The following ELF2 variants were observed in gnomAD, a reference collection of about 807,000 sequenced individuals.
ELF2 encodes the protein ETS-related transcription factor Elf-2.
Under a neutral mutation model 54.8 loss-of-function variants are expected in ELF2, and 11 were observed. That is an observed-to-expected ratio of 0.20 (90% CI 0.13 to 0.33). The LOEUF (loss-of-function observed/expected upper bound fraction) is 0.33. Among genes scored for constraint, ELF2 ranks in the 10% least tolerant of loss-of-function variants. The probability of loss-of-function intolerance (pLI) is 1.00; values close to 1 mark genes in which losing one functional copy is unlikely to be tolerated. For missense variants in ELF2, 513 were observed against 703.0 expected, an observed-to-expected ratio of 0.73 and a Z score of 3.06; for synonymous variants, 203 against 245.1, an observed-to-expected ratio of 0.83 and a Z score of 1.61.
At chr4:139,128,516 T>A (rs1449969343) in intron 3 of ELF2, among the ~76,000 whole-genome samples, 1 of 151,948 alleles carries the variant, frequency 6.6e-6, no homozygotes, top group African/African-American at 2.4e-5. Flanking sequence ...TCTAAAAATA[T>A]TTTTTTGCTT....
At chr4:139,084,262 G>A (rs375845152) in intron 4 of ELF2, 3 of 1,606,078 alleles carry the variant, frequency 1.9e-6, no homozygotes, top group Admixed American at 1.7e-5. Context: ...GGGAGGAGGC[G>A]GAACCCGCGG....
In ELF2 at chr4:139,058,762, T is replaced by C; in HGVS notation, c.*221A>G. ...TTTTTCTTATTGATGGGTTCAGTTG[T>C]TTCCTACTGTAAGAGGCAGTTTTCT... On this transcript the variant is annotated 3_prime_UTR_variant, in exon 10 of 10. Transcript: ENST00000686138. 1 of 567,414 alleles carries C rather than the reference T, an allele frequency of 1.8e-6. No homozygotes were observed. Among genetic ancestry groups the C allele is most frequent in the Non-Finnish European group, 2.9e-6 (1 of 340,962 alleles). The allele number at this position is 567,414 out of a possible 1,614,324, so 35.1% of individuals were successfully genotyped here.
intron 4 of ELF2, among the ~76,000 whole-genome samples, chr4:139,075,013 T>G (rs1176509812): frequency 6.6e-6 from 1 of 152,070 alleles, no homozygotes; most frequent in Non-Finnish European, 1.5e-5. Flanking sequence ...ACTGCCAGAG[T>G]ACTTGAGAAC....
chr4:139,127,581 A>G (rs1014335605), intron 3 of ELF2, among the ~76,000 whole-genome samples: 1 of 152,128 alleles, frequency 6.6e-6, no homozygotes, highest in Non-Finnish European at 1.5e-5. Flanking sequence ...ATTATAATAC[A>G]TAAGTCAAAA....
intron 6 of ELF2, among the ~76,000 whole-genome samples, chr4:139,070,360 G>A (rs538243855): frequency 6.6e-6 from 1 of 150,790 alleles, no homozygotes; most frequent in Non-Finnish European, 1.5e-5. Context: ...GTGCAATCTC[G>A]GCTCACTACA....
At chr4:139,081,827 G>A (rs1437079965) in intron 4 of ELF2, among the ~76,000 whole-genome samples, 1 of 152,062 alleles carries the variant, frequency 6.6e-6, no homozygotes, top group African/African-American at 2.4e-5. Flanking sequence ...TCTAAAATAA[G>A]GCTTGTAAGG....
chr4:139,080,466 A>T (rs1222567782), intron 4 of ELF2, among the ~76,000 whole-genome samples: 1 of 152,178 alleles, frequency 6.6e-6, no homozygotes, highest in Non-Finnish European at 1.5e-5. Flanking sequence ...TCAATTTCAT[A>T]ATGAACTTTA....
intron 1 of ELF2, among the ~76,000 whole-genome samples, chr4:139,160,442 G>A (rs1247512962): frequency 1.3e-5 from 2 of 152,176 alleles, no homozygotes; most frequent in African/African-American, 2.4e-5. Context: ...ATGTAATCCT[G>A]TATGATGACA....
chr4:139,154,575 TAAAA>T (rs529132880), intron 1 of ELF2, among the ~76,000 whole-genome samples: 1 of 136,730 alleles, frequency 7.3e-6, no homozygotes. Context: ...CTACAACAAT[TAAAA>T]AAAAAAAAAA....
rs773425691 is a variant in ELF2, at chr4:139,060,442, T to G, written c.1039A>C (p.Asn347His). ...VRSGKNSSPI[N>H]CSRAEKGVAR... is the part of the protein sequence containing the mutation. ...ACACCCTTCTCTGCTCTGGAGCAGT[T>G]TATAGGGGATGAATTTTTTCCACTG... The change falls in exon 9 of 10, where the codon AAC becomes CAC. Residue 347 changes from asparagine to histidine, a missense_variant. Transcript: ENST00000686138. 6 of 1,614,034 alleles carry G rather than the reference T, an allele frequency of 3.7e-6. No homozygotes were observed. Among genetic ancestry groups the G allele is most frequent in the Non-Finnish European group, 5.1e-6 (6 of 1,180,022 alleles).
At chr4:139,129,869 T>A (rs950086487) in intron 3 of ELF2, among the ~76,000 whole-genome samples, 3 of 152,152 alleles carry the variant, frequency 2.0e-5, no homozygotes, top group Admixed American at 1.3e-4. Flanking sequence ...AAGGAAAGTT[T>A]AACAAATTAA....
chr4:139,087,258 G>A (rs1006509449), intron 4 of ELF2, among the ~76,000 whole-genome samples: 3 of 152,150 alleles, frequency 2.0e-5, no homozygotes, highest in South Asian at 2.1e-4. Context: ...GCTAAGTATT[G>A]CAGCTAGTCA....
rs1740967079 is a variant in ELF2, at chr4:139,160,050, CCTG to C, written c.-252+16914_-252+16916del. 6.6e-5 allele frequency among the ~76,000 whole-genome samples: 10 copies of C among 152,280 alleles called. No homozygotes were observed. The South Asian group carries it at 2.1e-3, about 32-fold the overall frequency. On this transcript the variant is annotated intron_variant, in intron 1 of 9. Transcript: ENST00000686138. ...AGATGTGGAAGATACTATAGCATAG[CCTG>C]CAGGCCAGGCGCAGTGGCTCACGCC...
rs913411999 is a variant in ELF2 at position 139,092,904 on chromosome 4, G to A, written c.239-19337C>T. Among the ~76,000 whole-genome samples the A allele has an allele frequency of 1.2e-4, 18 of 151,558 alleles. No individual in the cohort carries two copies. The South Asian group carries it at 3.8e-3, about 32-fold the overall frequency. On this transcript the variant is annotated intron_variant, in intron 4 of 9. Transcript: ENST00000686138. ...GAATGAAACATATAAACTACTAGAA[G>A]TATATAAAATTCCCAGTAGGCATAC...
intron 4 of ELF2, among the ~76,000 whole-genome samples, chr4:139,107,351 C>T (rs191911729): frequency 6.9e-4 from 105 of 152,316 alleles, no homozygotes; most frequent in Middle Eastern, 3.4e-3. Context: ...TTCACCACTA[C>T]TACCACCTCC....
chr4:139,073,306 A>G, intron 5 of ELF2, 148 bp downstream of exon 5: 1 of 443,370 alleles, frequency 2.3e-6, no homozygotes, highest in East Asian at 3.5e-5. Context: ...CTTGACAAAT[A>G]AAGTTCAATT....
chr4:139,128,380 T>G (rs750140040), intron 3 of ELF2, among the ~76,000 whole-genome samples: 2 of 152,208 alleles, frequency 1.3e-5, no homozygotes, highest in African/African-American at 2.4e-5. Context: ...AGAAGTTCTT[T>G]AACTGAACTT....
intron 4 of ELF2, among the ~76,000 whole-genome samples, chr4:139,114,597 A>ACACACAC (rs1370544863): frequency 9.6e-5 from 14 of 145,786 alleles, no homozygotes; most frequent in South Asian, 4.4e-4. Flanking sequence ...ACACACACAC[A>ACACACAC]ATTTAGGAGC....
At chr4:139,143,894 A>C (rs907267178) in intron 1 of ELF2, among the ~76,000 whole-genome samples, 13 of 152,150 alleles carry the variant, frequency 8.5e-5, no homozygotes, top group African/African-American at 3.1e-4. Flanking sequence ...AAGACCTTAA[A>C]TACACCTTAG....
Sources: allele counts gnomAD v4.1 joint callset (sites outside exome capture counted in the v4.1 genomes callset), GRCh38; gene constraint gnomAD v4.1.1; transcripts MANE v1.5; gene names NCBI Gene and HGNC (gene_info 2026-07-23, HGNC 2026-07-21).